DCP1B: variants seen among roughly 807,000 people sequenced by gnomAD.
The protein encoded by DCP1B is decapping mRNA 1B, also known as mRNA-decapping enzyme 1B.
A neutral mutation model predicts 60.5 loss-of-function variants in DCP1B; 47 were observed. The observed-to-expected ratio is 0.78, with a 90% confidence interval of 0.61 to 0.99. The LOEUF (loss-of-function observed/expected upper bound fraction) is 0.99, where lower values mean the gene tolerates loss of function less well. Among genes scored for constraint, DCP1B ranks in the 50% least tolerant of loss-of-function variants. The pLI is 0.00. For missense variants in DCP1B, 725 were observed against 756.8 expected (o/e 0.96, Z 0.49); for synonymous variants, 267 against 280.3 (o/e 0.95, Z 0.47).
intron 5 of DCP1B, among the ~76,000 whole-genome samples, chr12:1,956,575 C>A (rs2030892306): frequency 6.6e-6 from 1 of 152,220 alleles, no homozygotes; most frequent in African/African-American, 2.4e-5. Flanking sequence ...TTCTCTTCCT[C>A]CAGGCATTCT....
At position 1,971,003 on chromosome 12, in the gene DCP1B, G is replaced by A; in HGVS notation, c.320-3093C>T. 4 of 1,110,568 alleles carry A rather than the reference G, an allele frequency of 3.6e-6. No homozygotes were observed. The highest frequency in any genetic ancestry group is 4.7e-6 in the Non-Finnish European group (4 of 846,472). The allele number at this position is 1,110,568 out of a possible 1,614,324, so 68.8% of individuals were successfully genotyped here. A position where few individuals can be genotyped will look rare whatever the true frequency, so the allele number is the denominator to read the frequency against. ...GTTTTAAAAAATTATAAGAGATCAT[G>A]AGCAGGATAATTATTTAGCTTTAAA... On this transcript the variant is annotated intron_variant, in intron 3 of 8. Transcript: ENST00000280665. This position sits in a 1 kb window ranked among gnomAD's most constrained non-coding sequence, Gnocchi z 4.2.
chr12:1,945,889 G>A (rs1343859403), downstream of DCP1B, among the ~76,000 whole-genome samples: 2 of 152,110 alleles, frequency 1.3e-5, no homozygotes, highest in Non-Finnish European at 2.9e-5. Flanking sequence ...GTCGCGGGGT[G>A]GGGGACTAGG....
At chr12:1,994,777 G>C (rs1256880026) in intron 2 of DCP1B, among the ~76,000 whole-genome samples, 1 of 152,158 alleles carries the variant, frequency 6.6e-6, no homozygotes, top group African/African-American at 2.4e-5. Flanking sequence ...CTCTTTAATA[G>C]TACAGCTACT....
At chr12:1,979,675 A>T in intron 3 of DCP1B, among the ~76,000 whole-genome samples, 1 of 152,260 alleles carries the variant, frequency 6.6e-6, no homozygotes, top group East Asian at 1.9e-4. Flanking sequence ...TATATGTTTA[A>T]GTTTATGAGA....
Position 1,971,346 on chromosome 12 carries a change from A to T in DCP1B, c.320-3436T>A. The stretch of plus-strand genomic sequence containing the variant: ...TCAGGATTTACCACACACCGTTGTA[A>T]AATTTTGCCTGTAACTGCACTATCC... On this transcript the variant is annotated intron_variant, in intron 3 of 8. Coordinates refer to ENST00000280665, the MANE Select transcript of DCP1B (RefSeq NM_152640.5). The surrounding 1 kb of genome is among the most constrained non-coding windows in gnomAD (Gnocchi z 4.2). 1 of 402,084 alleles carries T rather than the reference A, an allele frequency of 2.5e-6. No individual in the cohort carries two copies. 24.9% of individuals were successfully genotyped at this position (402,084 alleles called of 1,614,324 possible). A position where few individuals can be genotyped will look rare whatever the true frequency, so the allele number is the denominator to read the frequency against.
chr12:1,982,480 T>C (rs923990145), intron 3 of DCP1B, among the ~76,000 whole-genome samples: 2 of 152,160 alleles, frequency 1.3e-5, no homozygotes, highest in African/African-American at 4.8e-5. Context: ...CAATATTTGT[T>C]CTTTTGTGTC....
chr12:1,999,183 T>C (rs2041617131), intron 1 of DCP1B, among the ~76,000 whole-genome samples: 1 of 152,192 alleles, frequency 6.6e-6, no homozygotes, highest in Admixed American at 6.5e-5. Context: ...CAATCTGGGT[T>C]TTATTAAACT....
In DCP1B at chr12:1,952,847, C is replaced by T; in HGVS notation, c.1093G>A (p.Ala365Thr). The T allele has an allele frequency of 6.2e-7, 1 of 1,614,154 alleles. No homozygotes were observed. The highest frequency in any genetic ancestry group is 8.5e-7 in the Non-Finnish European group (1 of 1,180,030). Residue 365 changes from alanine to threonine, a missense_variant, in exon 7 of 9, where the codon GCA (alanine) becomes ACA (threonine). Transcript: ENST00000280665. ...LFEKLQSTPG[A>T]ANKCDPSTPA... ...GTACTAGGGTCACACTTGTTTGCTG[C>T]CCCTGGGGTACTCTGAAGTTTCTCG... is the stretch of plus-strand genomic sequence containing the variant.
Position 2,004,367 on chromosome 12 carries a change from T to C in DCP1B, c.65A>G (p.Gln22Arg). The C allele has an allele frequency of 1.2e-6, 2 of 1,613,132 alleles. No homozygotes were observed. Among genetic ancestry groups the C allele is most frequent in the Admixed American group, 1.7e-5 (1 of 60,012 alleles). Residue 22 changes from glutamine (Q) to arginine (R), a missense_variant, in exon 1 of 9, where the codon CAG becomes CGG. By Grantham distance (43) the Gln-to-Arg change is conservative. Transcript: ENST00000280665. ...KGRDISLAAL[Q>R]RHDPYINRIV... is the part of the protein sequence containing the mutation. ...GCGGTTGATATAGGGGTCGTGGCGCTGCAGGGCCGCTAGGCTGATGTCGCG... is the reference window on the plus strand; with the variant it reads ...GCGGTTGATATAGGGGTCGTGGCGCCGCAGGGCCGCTAGGCTGATGTCGCG...
At chr12:1,956,247 A>T (rs909525131) in intron 5 of DCP1B, among the ~76,000 whole-genome samples, 8 of 152,322 alleles carry the variant, frequency 5.3e-5, no homozygotes, top group Admixed American at 1.3e-4. Context: ...ACACAGTAGG[A>T]TTCATAACAA....
intron 3 of DCP1B, chr12:1,990,986 A>T (rs1220179664): frequency 4.2e-6 from 1 of 240,664 alleles, no homozygotes. Flanking sequence ...AGAAAGGACA[A>T]AAAAAAAAAA....
At chr12:1,968,635 T>C (rs1023005442) in intron 3 of DCP1B, among the ~76,000 whole-genome samples, 1 of 152,254 alleles carries the variant, frequency 6.6e-6, no homozygotes, top group African/African-American at 2.4e-5. Flanking sequence ...TTCAGAAACC[T>C]GATACTCAAA....
chr12:1,996,641 AAAAAAAAAAAAAAACAAC>A (rs1404670468), intron 2 of DCP1B, among the ~76,000 whole-genome samples: 4 of 98,548 alleles, frequency 4.1e-5, no homozygotes, highest in African/African-American at 1.1e-4. Flanking sequence ...AAAAAAAAAA[AAAAAAAAAAAAAAACAAC>A]AAACTCTTCT....
At chr12:1,951,771 T>TGTA (rs1167884119) in intron 7 of DCP1B, among the ~76,000 whole-genome samples, 4 of 152,226 alleles carry the variant, frequency 2.6e-5, no homozygotes, top group African/African-American at 9.6e-5. Context: ...ATGCCTGACA[T>TGTA]GTAGTAAGTG....
In DCP1B at chr12:1,952,505, C is replaced by T. The variant is rs764502288; in HGVS notation, c.1435G>A (p.Val479Met). 9 of 1,614,044 alleles carry T rather than the reference C, an allele frequency of 5.6e-6. No homozygotes were observed. The East Asian group carries it at 1.8e-4, about 32-fold the overall frequency. The change falls in exon 7 of 9, where the codon GTG (valine) becomes ATG (methionine). Residue 479 changes from valine to methionine, a missense_variant. By Grantham distance (21) the Val-to-Met change is conservative. Transcript: ENST00000280665. ...NRPALAAKFP[V>M]LAQSSGTGKP... ...CCTGTTCCAGAGCTCTGAGCGAGCA[C>T]AGGAAACTTAGCGGCCAAGGCTGGC...
chr12:1,952,502 G>A lies in DCP1B; in HGVS notation c.1438C>T (p.Leu480Phe), dbSNP rs2030714803. Residue 480 changes from leucine (L) to phenylalanine (F), a missense_variant, in exon 7 of 9, where the codon CTC becomes TTC. Transcript: ENST00000280665. ...TTCCCTGTTCCAGAGCTCTGAGCGA[G>A]CACAGGAAACTTAGCGGCCAAGGCT... ...RPALAAKFPV[L>F]AQSSGTGKPL... 6.2e-7 allele frequency: 1 copy of A among 1,614,066 alleles called. No individual in the cohort carries two copies. Among genetic ancestry groups the A allele is most frequent in the Admixed American group, 1.7e-5 (1 of 60,000 alleles).
intron 4 of DCP1B, among the ~76,000 whole-genome samples, chr12:1,966,987 G>T (rs1282928158): frequency 6.6e-6 from 1 of 152,176 alleles, no homozygotes; most frequent in African/African-American, 2.4e-5. Context: ...GCCATCCTAT[G>T]TGCTTGGCTG....
At chr12:1,972,040 T>C (rs892328381) in intron 3 of DCP1B, among the ~76,000 whole-genome samples, 14 of 152,238 alleles carry the variant, frequency 9.2e-5, no homozygotes, top group African/African-American at 2.9e-4. Flanking sequence ...TTGGTAATGT[T>C]CTTTCTAATA....
intron 3 of DCP1B, among the ~76,000 whole-genome samples, chr12:1,989,301 G>A (rs1323385728): frequency 6.6e-6 from 1 of 152,224 alleles, no homozygotes; most frequent in African/African-American, 2.4e-5. Context: ...CAATGCCATG[G>A]CACTCCAGCC....
Sources: gnomAD v4.1 joint callset for allele counts (sites outside exome capture counted in the v4.1 genomes callset) on GRCh38, gnomAD v4.1.1 for gene constraint, Gnocchi (gnomAD v3.1) non-coding constraint, MANE v1.5 for transcripts, NCBI Gene and HGNC (gene_info 2026-07-23, HGNC 2026-07-21) for gene names.